Variants in FAF1 observed in about 807,000 individuals in gnomAD.
The protein encoded by FAF1 is Fas associated factor 1, also known as FAS-associated factor 1.
FAF1 carries 25 observed loss-of-function variants against 92.5 expected under a neutral mutation model. The observed-to-expected ratio is 0.27, with a 90% confidence interval of 0.20 to 0.38. The LOEUF (loss-of-function observed/expected upper bound fraction) is 0.38. FAF1 is among the 10% of genes least tolerant of loss of function. The pLI, the probability that FAF1 is intolerant of heterozygous loss-of-function variation, is 1.00. For synonymous variants in FAF1, 234 were observed against 273.2 expected (o/e 0.86, Z 1.42); for missense variants, 636 against 793.3 (o/e 0.80, Z 2.38).
chr1:50,636,672 T>A (rs940422930), intron 8 of FAF1, among the ~76,000 whole-genome samples: 2 of 152,132 alleles, frequency 1.3e-5, no homozygotes, highest in Admixed American at 6.5e-5. Flanking sequence ...TTATTTTTAA[T>A]CCTGTCTTTT....
chr1:50,765,170 C>A (rs1044142157), intron 4 of FAF1, among the ~76,000 whole-genome samples: 2 of 152,094 alleles, frequency 1.3e-5, no homozygotes, highest in Non-Finnish European at 2.9e-5. Context: ...AGCAATAATT[C>A]CAAGTGGATA....
chr1:50,836,361 TA>T (rs2124639198), intron 2 of FAF1, among the ~76,000 whole-genome samples: 1 of 152,004 alleles, frequency 6.6e-6, no homozygotes, highest in South Asian at 2.1e-4. Context: ...TAAAACATTC[TA>T]AAATCATGGA....
chr1:50,850,127 G>GAA (rs112287615), intron 2 of FAF1, among the ~76,000 whole-genome samples: 7 of 117,806 alleles, frequency 5.9e-5, no homozygotes, highest in Admixed American at 8.8e-5. Flanking sequence ...TAGGAGCTAC[G>GAA]AAAAAAAAAA....
At chr1:50,768,874 T>C (rs1348994417) in intron 4 of FAF1, among the ~76,000 whole-genome samples, 1 of 151,834 alleles carries the variant, frequency 6.6e-6, no homozygotes, top group African/African-American at 2.4e-5. Context: ...ACATCACACC[T>C]AGAGGAACTA....
chr1:50,897,196 T>C (rs952527230), intron 1 of FAF1, among the ~76,000 whole-genome samples: 1 of 152,218 alleles, frequency 6.6e-6, no homozygotes, highest in African/African-American at 2.4e-5. Flanking sequence ...TCCATGTTCA[T>C]AGACAGGAAC....
chr1:50,692,241 C>CCG (rs1656961832), intron 7 of FAF1, among the ~76,000 whole-genome samples: 1 of 129,002 alleles, frequency 7.8e-6, no homozygotes, highest in South Asian at 2.9e-4. Flanking sequence ...GAAGTATTTA[C>CCG]TGTGTGTGTG....
At chr1:50,736,353 A>G (rs1440635950) in intron 6 of FAF1, among the ~76,000 whole-genome samples, 2 of 152,266 alleles carry the variant, frequency 1.3e-5, no homozygotes, top group African/African-American at 4.8e-5. Flanking sequence ...TTGATTCATT[A>G]TGAAGTCTAG....
At chr1:50,660,151 TTTAAATTTTCAAAC>T in intron 7 of FAF1, among the ~76,000 whole-genome samples, 2 of 152,320 alleles carry the variant, frequency 1.3e-5, no homozygotes, top group South Asian at 4.1e-4. Flanking sequence ...TTTTGATTCA[TTTAAATTTTCAAAC>T]AGTTTTATTT....
At position 50,660,500 on chromosome 1, in the gene FAF1, C is replaced by CTT. The variant is rs796515667; in HGVS notation, c.658-4974_658-4973dup. Among the ~76,000 whole-genome samples the CTT allele has an allele frequency of 6.2e-5, 9 of 144,420 alleles. No homozygotes were observed. The East Asian group carries it at 1.8e-3, about 29-fold the overall frequency. The allele number at this position is 144,420 out of a possible 152,430, so 94.7% of individuals were successfully genotyped here. ...TCGAGGCAGAGAACTAGATTTCTTT[C>CTT]TTTTTTTTTTTTTCCCAAGACAGTC... On this transcript the variant is annotated intron_variant, in intron 7 of 18. Coordinates refer to ENST00000396153, the MANE Select transcript of FAF1 (RefSeq NM_007051.3).
intron 4 of FAF1, among the ~76,000 whole-genome samples, chr1:50,771,513 C>A (rs13375149): frequency 0.03 from 4,625 of 152,196 alleles, 248 homozygotes; most frequent in African/African-American, 0.11. Context: ...AAAGCATACA[C>A]AAAATGCTTA....
At chr1:50,865,117 G>A (rs1644469251) in intron 1 of FAF1, among the ~76,000 whole-genome samples, 1 of 152,170 alleles carries the variant, frequency 6.6e-6, no homozygotes, top group Admixed American at 6.5e-5. Flanking sequence ...TCAGAGAAAT[G>A]CAAATCAAAA....
intron 4 of FAF1, among the ~76,000 whole-genome samples, chr1:50,759,554 T>A (rs960639678): frequency 6.6e-6 from 1 of 152,104 alleles, no homozygotes; most frequent in Admixed American, 6.6e-5. Flanking sequence ...TTTATCATTG[T>A]TGGACATTTG....
chr1:50,497,539 T>A (rs909693574), intron 15 of FAF1, among the ~76,000 whole-genome samples: 12 of 122,772 alleles, frequency 9.8e-5, no homozygotes, highest in South Asian at 2.8e-4. Context: ...TATTCAAAAC[T>A]CTTTTTTTTT....
chr1:50,478,962 C>G (rs1474784), intron 17 of FAF1, among the ~76,000 whole-genome samples: 23,843 of 152,166 alleles, frequency 0.16, 2,784 homozygotes, highest in African/African-American at 0.33. Context: ...TGTAAAACTA[C>G]AACTCTGATC....
rs375837223 is a variant in FAF1, at chr1:50,742,859, CA to C, written c.459+1824del. On this transcript the variant is annotated intron_variant, in intron 5 of 18. Coordinates refer to ENST00000396153, the MANE Select transcript of FAF1 (RefSeq NM_007051.3). ...GGATAGCAAACTATGGCCTGTGGGTCAAACCCAGCCTGCTGCCTGTTTTTGT... is the reference window on the plus strand; with the variant it reads ...GGATAGCAAACTATGGCCTGTGGGTCAACCCAGCCTGCTGCCTGTTTTTGT... Among the ~76,000 whole-genome samples, 40 of 152,272 alleles carry C rather than the reference CA, an allele frequency of 2.6e-4. No individual in the cohort carries two copies. The East Asian group carries it at 3.9e-3, about 15-fold the overall frequency.
intron 1 of FAF1, among the ~76,000 whole-genome samples, chr1:50,886,351 T>A (rs2124694681): frequency 6.6e-6 from 1 of 152,278 alleles, no homozygotes; most frequent in Non-Finnish European, 1.5e-5. Flanking sequence ...ATATTTTATA[T>A]TATTCCAGGG....
intron 15 of FAF1, among the ~76,000 whole-genome samples, chr1:50,529,437 ATAAAT>A (rs773367011): frequency 1.3e-5 from 2 of 152,226 alleles, no homozygotes; most frequent in Non-Finnish European, 2.9e-5. Context: ...AACAGATGTG[ATAAAT>A]TAAATGGGAT....
intron 1 of FAF1, among the ~76,000 whole-genome samples, chr1:50,927,195 G>C (rs945710693): frequency 2.6e-5 from 4 of 152,178 alleles, no homozygotes; most frequent in Non-Finnish European, 5.9e-5. Flanking sequence ...AACAATGTGA[G>C]GGTACTTAAT....
intron 2 of FAF1, among the ~76,000 whole-genome samples, chr1:50,812,466 C>A (rs751347796): frequency 6.6e-6 from 1 of 152,026 alleles, no homozygotes; most frequent in Non-Finnish European, 1.5e-5. Context: ...AGAAAGCATA[C>A]GAAAAAATGC....
Sources: gnomAD v4.1 joint callset for allele counts (sites outside exome capture counted in the v4.1 genomes callset) on GRCh38, gnomAD v4.1.1 for gene constraint, MANE v1.5 for transcripts, NCBI Gene and HGNC (gene_info 2026-07-23, HGNC 2026-07-21) for gene names.